SND1: variants seen among roughly 807,000 people sequenced by gnomAD.
The protein encoded by SND1 is staphylococcal nuclease domain-containing protein 1.
SND1 carries 38 observed loss-of-function variants against 121.7 expected under a neutral mutation model. That is an observed-to-expected ratio of 0.31 (90% CI 0.24 to 0.41). The LOEUF (loss-of-function observed/expected upper bound fraction) is 0.41, where lower values mean the gene tolerates loss of function less well. Ranked by LOEUF, SND1 falls within the 10% of genes least tolerant of loss-of-function variation. SND1 has a pLI of 1.00. For missense variants in SND1, 868 were observed against 1,184.6 expected, an observed-to-expected ratio of 0.73 and a Z score of 3.92; for synonymous variants, 401 against 447.4, an observed-to-expected ratio of 0.90 and a Z score of 1.31.
Position 127,819,812 on chromosome 7 carries a change from T to C in SND1, c.1242+12239T>C, listed in dbSNP as rs140296551. Among the ~76,000 whole-genome samples the C allele has an allele frequency of 5.2e-3, 797 of 152,338 alleles. 7 individuals are homozygous for C. The highest frequency in any genetic ancestry group is 0.018 in the African/African-American group (760 of 41,570). On this transcript the variant is annotated intron_variant, in intron 11 of 23. Transcript: ENST00000354725. ...TTAATCTTTTTGTCATCAAAGATTG[T>C]TTTATTTTAAATATCAGTGAATTTG...
intron 1 of SND1, among the ~76,000 whole-genome samples, 168 bp from the exon 2 acceptor site, chr7:127,686,445 C>T (rs1240239134): frequency 6.6e-6 from 1 of 152,134 alleles, no homozygotes; most frequent in Non-Finnish European, 1.5e-5. Context: ...AGGTATTTCT[C>T]TTATAAAATT....
intron 10 of SND1, among the ~76,000 whole-genome samples, chr7:127,755,267 T>A (rs1341380851): frequency 6.6e-6 from 1 of 152,210 alleles, no homozygotes; most frequent in African/African-American, 2.4e-5. Context: ...CCATAGCCAA[T>A]GGAGTGGCAG....
chr7:127,869,814 C>G (rs963983787), intron 12 of SND1, among the ~76,000 whole-genome samples: 1 of 152,156 alleles, frequency 6.6e-6, no homozygotes, highest in African/African-American at 2.4e-5. Flanking sequence ...CCCTTCTACC[C>G]CTTTCCCTTC....
intron 14 of SND1, among the ~76,000 whole-genome samples, chr7:127,915,078 C>G (rs569679949): frequency 6.6e-6 from 1 of 152,040 alleles, no homozygotes; most frequent in Non-Finnish European, 1.5e-5. Flanking sequence ...AGTGCAGTGG[C>G]GCAATCTCAG....
chr7:127,653,311 CCCCCAGTTGTCCT>C (rs1347653618), intron 1 of SND1, among the ~76,000 whole-genome samples: 4 of 152,156 alleles, frequency 2.6e-5, no homozygotes, highest in South Asian at 4.1e-4. Context: ...TTATCACTTG[CCCCCAGTTGTCCT>C]CCCCAAAACC....
intron 15 of SND1, among the ~76,000 whole-genome samples, chr7:127,941,889 G>GTTTTTTTTTTT (rs34389081): frequency 2.0e-5 from 2 of 100,258 alleles, no homozygotes; most frequent in African/African-American, 8.1e-5. Flanking sequence ...TTGATAGGGA[G>GTTTTTTTTTTT]TTTTTTTTTT....
intron 14 of SND1, among the ~76,000 whole-genome samples, chr7:127,923,945 A>G (rs926225158): frequency 2.6e-5 from 4 of 151,042 alleles, no homozygotes; most frequent in Non-Finnish European, 4.4e-5. Context: ...TTTAGAGCAC[A>G]TTTGCTTCAG....
intron 10 of SND1, among the ~76,000 whole-genome samples, chr7:127,737,288 A>C (rs966050508): frequency 1.3e-5 from 2 of 152,144 alleles, no homozygotes; most frequent in Non-Finnish European, 2.9e-5. Context: ...AAGAAGTGGT[A>C]TGGTGGCAGG....
chr7:127,933,312 G>A (rs1459260327), intron 15 of SND1, among the ~76,000 whole-genome samples: 3 of 152,212 alleles, frequency 2.0e-5, no homozygotes, highest in African/African-American at 4.8e-5. Context: ...CAATTCAAAA[G>A]GCATTGCCTG....
intron 12 of SND1, among the ~76,000 whole-genome samples, chr7:127,862,803 G>A (rs986592824): frequency 2.6e-5 from 4 of 152,192 alleles, no homozygotes; most frequent in Non-Finnish European, 4.4e-5. Context: ...AGGTGAACAC[G>A]ATATCTTTAT....
At chr7:127,663,727 G>A (rs1221576302) in intron 1 of SND1, among the ~76,000 whole-genome samples, 2 of 152,038 alleles carry the variant, frequency 1.3e-5, no homozygotes, top group African/African-American at 4.8e-5. Context: ...GGTGTCTTAA[G>A]GTCTTAATAC....
chr7:128,089,723 T>C, intron 22 of SND1, 31 bp downstream of exon 22: 1 of 1,591,914 alleles, frequency 6.3e-7, no homozygotes, highest in South Asian at 1.1e-5. Flanking sequence ...GCCCCAGCAT[T>C]GCGCCACCAC....
intron 12 of SND1, among the ~76,000 whole-genome samples, chr7:127,875,436 G>A (rs1759830478): frequency 6.6e-6 from 1 of 152,134 alleles, no homozygotes; most frequent in African/African-American, 2.4e-5. Flanking sequence ...TGGTGGCTAA[G>A]GAGTAGCCTG....
intron 15 of SND1, among the ~76,000 whole-genome samples, chr7:127,970,897 C>T (rs1801969210): frequency 6.6e-6 from 1 of 151,938 alleles, no homozygotes; most frequent in South Asian, 2.1e-4. Context: ...ATCACTTGAG[C>T]CCAGGAGTTT....
intron 22 of SND1, among the ~76,000 whole-genome samples, chr7:128,091,153 T>G (rs1793772321): frequency 6.6e-6 from 1 of 152,154 alleles, no homozygotes; most frequent in Non-Finnish European, 1.5e-5. Context: ...TAGAAGATGA[T>G]AACTGCAGTG....
intron 12 of SND1, among the ~76,000 whole-genome samples, chr7:127,871,788 A>G (rs1049371191): frequency 6.6e-6 from 1 of 152,206 alleles, no homozygotes; most frequent in African/African-American, 2.4e-5. Context: ...GTGTGAATCT[A>G]CATTGAACAT....
intron 16 of SND1, among the ~76,000 whole-genome samples, chr7:128,066,557 G>A (rs900336015): frequency 6.6e-6 from 1 of 152,214 alleles, no homozygotes; most frequent in Admixed American, 6.5e-5. Flanking sequence ...GTTGCAGATG[G>A]TAACGAGACC....
At chr7:127,794,785 G>T (rs1305001676) in intron 10 of SND1, among the ~76,000 whole-genome samples, 2 of 152,148 alleles carry the variant, frequency 1.3e-5, no homozygotes, top group East Asian at 3.9e-4. Context: ...TTTTTAGCCG[G>T]GGTATGAACA....
At chr7:128,071,664 G>T (rs1018316155) in intron 16 of SND1, among the ~76,000 whole-genome samples, 1 of 152,192 alleles carries the variant, frequency 6.6e-6, no homozygotes, top group African/African-American at 2.4e-5. Context: ...GCGTCACACC[G>T]AATTCCACAG....
Sources: gnomAD v4.1 joint callset for allele counts (sites outside exome capture counted in the v4.1 genomes callset) on GRCh38, gnomAD v4.1.1 for gene constraint, MANE v1.5 for transcripts, NCBI Gene and HGNC (gene_info 2026-07-23, HGNC 2026-07-21) for gene names.